The following PCDHA8 variants were observed in gnomAD, a reference collection of about 807,000 sequenced individuals.
The protein encoded by PCDHA8 is protocadherin alpha-8.
PCDHA8 carries 53 observed loss-of-function variants against 61.8 expected under a neutral mutation model. The ratio of observed to expected loss-of-function variants is 0.86; its 90% CI spans 0.69 to 1.08. The LOEUF (loss-of-function observed/expected upper bound fraction) is 1.08. Among genes scored for constraint, PCDHA8 ranks in the 50% least tolerant of loss-of-function variants. PCDHA8 has a pLI of 0.00. For synonymous variants in PCDHA8, 618 were observed against 556.6 expected (o/e 1.11, Z -1.55); for missense variants, 1,293 against 1,245.0 (o/e 1.04, Z -0.58).
intron 1 of PCDHA8, among the ~76,000 whole-genome samples, chr5:140,952,804 C>T (rs191550367): frequency 2.6e-5 from 4 of 152,282 alleles, no homozygotes; most frequent in Non-Finnish European, 5.9e-5. Flanking sequence ...GCTCGCAGTT[C>T]TGCAGGCTGT....
At chr5:140,949,371 C>G (rs932971788) in intron 1 of PCDHA8, among the ~76,000 whole-genome samples, 1 of 151,712 alleles carries the variant, frequency 6.6e-6, no homozygotes, top group African/African-American at 2.4e-5. Flanking sequence ...GTCTAGTTGT[C>G]CTATCAATTG....
chr5:140,898,913 G>T (rs1554188302), intron 1 of PCDHA8, among the ~76,000 whole-genome samples: 1 of 152,066 alleles, frequency 6.6e-6, no homozygotes, highest in Non-Finnish European at 1.5e-5. Context: ...CACGTCCCTT[G>T]TAAGTTGGAT....
chr5:140,911,187 G>A (rs911666410), intron 1 of PCDHA8, among the ~76,000 whole-genome samples: 1 of 152,102 alleles, frequency 6.6e-6, no homozygotes, highest in Non-Finnish European at 1.5e-5. Context: ...TGTGGGTTGG[G>A]GAGGACATGT....
chr5:140,971,040 A>G (rs1554232989), intron 1 of PCDHA8, among the ~76,000 whole-genome samples: 2 of 152,194 alleles, frequency 1.3e-5, no homozygotes, highest in Non-Finnish European at 2.9e-5. Flanking sequence ...AAGCACGTAA[A>G]AGGGTTTAGC....
intron 1 of PCDHA8, chr5:140,869,898 C>T (rs782158709): frequency 6.2e-7 from 1 of 1,610,356 alleles, no homozygotes; most frequent in Non-Finnish European, 8.5e-7. Flanking sequence ...TCAAACTAAA[C>T]GCCACAGACC....
chr5:140,982,596 G>A, intron 3 of PCDHA8, 33 bp downstream of exon 3: 2 of 1,609,850 alleles, frequency 1.2e-6, no homozygotes, highest in South Asian at 2.2e-5. Flanking sequence ...TTCTTTCTTG[G>A]TTTCTGGAAA....
In PCDHA8 at chr5:140,990,740, G is replaced by C. The variant is rs76434886; in HGVS notation, c.2542+8177G>C. Among the ~76,000 whole-genome samples the C allele has an allele frequency of 8.5e-3, 1,294 of 152,288 alleles. 21 individuals carry two copies. Among genetic ancestry groups the C allele is most frequent in the African/African-American group, 0.029 (1,222 of 41,552 alleles). ...ATCACTAGGTATATCAACAGCCCTA[G>C]GGTGGATACCTTTGAGCCTGTAAAT... On this transcript the variant is annotated intron_variant, in intron 3 of 3. Coordinates refer to ENST00000531613, the MANE Select transcript of PCDHA8 (RefSeq NM_018911.3).
At chr5:140,994,717 A>G (rs1350882833) in intron 3 of PCDHA8, among the ~76,000 whole-genome samples, 4 of 152,164 alleles carry the variant, frequency 2.6e-5, no homozygotes, top group African/African-American at 9.6e-5. Context: ...AAAAAAATTT[A>G]AAATACTGGG....
intron 1 of PCDHA8, among the ~76,000 whole-genome samples, chr5:140,925,210 C>G (rs1319343041): frequency 1.3e-5 from 2 of 152,122 alleles, no homozygotes; most frequent in Admixed American, 6.5e-5. Context: ...ATTATCGATA[C>G]TTTTAGGCAG....
chr5:140,933,753 G>A (rs1554209575), intron 1 of PCDHA8, among the ~76,000 whole-genome samples: 1 of 151,976 alleles, frequency 6.6e-6, no homozygotes. Context: ...GAATTCACTA[G>A]TGAAGCTCTC....
intron 1 of PCDHA8, chr5:140,969,505 A>G (rs973647679): frequency 1.4e-6 from 2 of 1,428,552 alleles, no homozygotes; most frequent in South Asian, 3.0e-5. Context: ...CTAGAAAAAT[A>G]GCACTAAAGA....
intron 1 of PCDHA8, among the ~76,000 whole-genome samples, chr5:140,920,225 G>A (rs80019196): frequency 2.9e-3 from 441 of 151,762 alleles, no homozygotes; most frequent in African/African-American, 0.01. Flanking sequence ...CACATTTATA[G>A]TATTATATAC....
intron 1 of PCDHA8, among the ~76,000 whole-genome samples, chr5:140,872,606 A>AT (rs1302987061): frequency 6.6e-6 from 1 of 151,888 alleles, no homozygotes; most frequent in Non-Finnish European, 1.5e-5. Context: ...TGAAAAAATA[A>AT]TTTTTTTTGC....
At chr5:140,950,219 C>G (rs1173605199) in intron 1 of PCDHA8, among the ~76,000 whole-genome samples, 4 of 151,898 alleles carry the variant, frequency 2.6e-5, no homozygotes, top group African/African-American at 9.7e-5. Flanking sequence ...TAGTCATTTA[C>G]CATTTCTAGT....
At chr5:140,868,451 C>T (rs917526467) in intron 1 of PCDHA8, 1 of 152,302 alleles carries the variant, frequency 6.6e-6, no homozygotes, top group African/African-American at 2.4e-5. Flanking sequence ...AACATAAACA[C>T]TAAAGAGCTG....
chr5:140,863,445 C>A, intron 1 of PCDHA8: 1 of 582,886 alleles, frequency 1.7e-6, no homozygotes, highest in South Asian at 1.4e-5. Flanking sequence ...GTCTTACTCG[C>A]AGCAAAGGAG....
At chr5:140,987,334 C>A (rs925665306) in intron 3 of PCDHA8, among the ~76,000 whole-genome samples, 1 of 152,086 alleles carries the variant, frequency 6.6e-6, no homozygotes, top group East Asian at 1.9e-4. Flanking sequence ...AAGAACTGGT[C>A]TAAGGTAAAT....
intron 1 of PCDHA8, among the ~76,000 whole-genome samples, chr5:140,948,369 TG>T (rs1209104577): frequency 7.9e-5 from 12 of 151,580 alleles, no homozygotes; most frequent in Non-Finnish European, 3.0e-5. Context: ...ACTTAGGAGG[TG>T]TTCCTTCCTC....
chr5:140,846,369 C>CTTTTTTTTTTTTTTT (rs797033964), intron 1 of PCDHA8, among the ~76,000 whole-genome samples: 7 of 102,190 alleles, frequency 6.8e-5, no homozygotes, highest in Non-Finnish European at 1.2e-4. Context: ...TCTTTTCTTT[C>CTTTTTTTTTTTTTTT]TTTCTTTTTT....
Sources: gnomAD v4.1 joint callset for allele counts (sites outside exome capture counted in the v4.1 genomes callset) on GRCh38, gnomAD v4.1.1 for gene constraint, MANE v1.5 for transcripts, NCBI Gene and HGNC (gene_info 2026-07-23, HGNC 2026-07-21) for gene names.